The following RBMS1 variants were observed in gnomAD, a reference collection of about 807,000 sequenced individuals.
RBMS1 encodes RNA-binding motif, single-stranded-interacting protein 1.
A neutral mutation model predicts 62.3 loss-of-function variants in RBMS1; 17 were observed. The ratio of observed to expected loss-of-function variants is 0.27; its 90% confidence interval spans 0.19 to 0.41. The LOEUF (loss-of-function observed/expected upper bound fraction) is 0.41. RBMS1 is among the 10% of genes least tolerant of loss of function. The probability of loss-of-function intolerance (pLI) is 1.00; values close to 1 mark genes in which losing one functional copy is unlikely to be tolerated. For missense variants in RBMS1, 334 were observed against 504.5 expected, an observed-to-expected ratio of 0.66 and a Z score of 3.24; for synonymous variants, 172 against 170.0, an observed-to-expected ratio of 1.01 and a Z score of -0.09.
chr2:160,389,296 T>C (rs576561160), intron 1 of RBMS1, among the ~76,000 whole-genome samples: 1 of 152,328 alleles, frequency 6.6e-6, no homozygotes, highest in East Asian at 1.9e-4. Flanking sequence ...CCCTGCAAAA[T>C]ATGCATGAAA....
intron 4 of RBMS1, among the ~76,000 whole-genome samples, chr2:160,310,960 G>A (rs1689820592): frequency 6.6e-6 from 1 of 152,026 alleles, no homozygotes; most frequent in African/African-American, 2.4e-5. Context: ...TTGAGAGGCT[G>A]AGGTGGGCAG....
intron 1 of RBMS1, among the ~76,000 whole-genome samples, chr2:160,397,736 C>T (rs1695223921): frequency 6.6e-6 from 1 of 152,160 alleles, no homozygotes; most frequent in South Asian, 2.1e-4. Flanking sequence ...TAAAAGTTTA[C>T]AAAGACCTCC....
At chr2:160,403,077 A>G (rs746782783) in intron 1 of RBMS1, among the ~76,000 whole-genome samples, 2 of 152,244 alleles carry the variant, frequency 1.3e-5, no homozygotes, top group African/African-American at 2.4e-5. Context: ...TGAGATGCCA[A>G]AACGGTCCCT....
chr2:160,493,551 CTCCTCCTCCTCCTCCTCCTCT>C lies in RBMS1; in HGVS notation c.-209_-189del, dbSNP rs1428067527. Reference sequence around the variant, plus strand: ...CCTCCTCCTCCTCCTCTTCCTCCTCCTCCTCCTCCTCCTCCTCCTCTTCCTCCTCCTCCTCCTCCTCCCAGG... The same window carrying C: ...CCTCCTCCTCCTCCTCTTCCTCCTCCTCCTCCTCCTCCTCCTCCTCCCAGG... On this transcript the variant is annotated 5_prime_UTR_variant, in exon 1 of 14. Coordinates refer to ENST00000348849, the MANE Select transcript of RBMS1 (RefSeq NM_016836.4). The C allele has an allele frequency of 3.7e-5, 23 of 615,932 alleles. No homozygotes were observed. The highest frequency in any genetic ancestry group is 6.0e-5 in the Non-Finnish European group (21 of 350,358). The allele number at this position is 615,932 out of a possible 1,614,324, so 38.2% of individuals were successfully genotyped here.
chr2:160,416,620 T>C (rs1696220664), intron 1 of RBMS1, among the ~76,000 whole-genome samples: 1 of 152,204 alleles, frequency 6.6e-6, no homozygotes, highest in South Asian at 2.1e-4. Flanking sequence ...CGACCTTTTT[T>C]TGAACAGGTA....
At chr2:160,319,108 A>C (rs1690398136) in intron 2 of RBMS1, among the ~76,000 whole-genome samples, 1 of 151,858 alleles carries the variant, frequency 6.6e-6, no homozygotes, top group Non-Finnish European at 1.5e-5. Context: ...CGAACCCCAC[A>C]CTCTCTCCAT....
At chr2:160,349,264 G>A (rs567525494) in intron 2 of RBMS1, among the ~76,000 whole-genome samples, 1 of 152,250 alleles carries the variant, frequency 6.6e-6, no homozygotes, top group African/African-American at 2.4e-5. Context: ...ATTTGCTGAT[G>A]TCACCAATGA....
chr2:160,485,126 T>G (rs1379493541), intron 1 of RBMS1, among the ~76,000 whole-genome samples: 2 of 152,034 alleles, frequency 1.3e-5, no homozygotes, highest in Non-Finnish European at 2.9e-5. Context: ...TTATTTTAAT[T>G]AGGGGGAAAA....
At chr2:160,438,797 G>A (rs1287091998) in intron 1 of RBMS1, among the ~76,000 whole-genome samples, 1 of 152,068 alleles carries the variant, frequency 6.6e-6, no homozygotes, top group African/African-American at 2.4e-5. Flanking sequence ...ACGGGGTGGT[G>A]GCCGGGCAGA....
At chr2:160,424,374 G>C (rs928809307) in intron 1 of RBMS1, among the ~76,000 whole-genome samples, 2 of 150,248 alleles carry the variant, frequency 1.3e-5, no homozygotes, top group African/African-American at 2.5e-5. Context: ...TTGGGGGGGG[G>C]GGGAAACAAA....
rs201492090 is a variant in RBMS1, at chr2:160,324,882, G to GTATATATATATATA, written c.252-6669_252-6656dup. ...CTAAGCGAGATGTGTGTGTGTGTGT[G>GTATATATATATATA]TATATATATATATATATATATATAT... On this transcript the variant is annotated intron_variant, in intron 2 of 13. Transcript: ENST00000348849. 4.2e-3 allele frequency among the ~76,000 whole-genome samples: 423 copies of GTATATATATATATA among 99,980 alleles called. 13 individuals are homozygous for GTATATATATATATA. Among genetic ancestry groups the GTATATATATATATA allele is most frequent in the Middle Eastern group, 0.022 (4 of 184 alleles). The allele number at this position is 99,980 out of a possible 152,430, so 65.6% of individuals were successfully genotyped here. A position where few individuals can be genotyped will look rare whatever the true frequency, so the allele number is the denominator to read the frequency against.
intron 1 of RBMS1, among the ~76,000 whole-genome samples, chr2:160,379,559 AG>A (rs1694172924): frequency 6.6e-6 from 1 of 152,250 alleles, no homozygotes. Context: ...CTTCTGAAGC[AG>A]ATAAATTGAA....
intron 1 of RBMS1, among the ~76,000 whole-genome samples, chr2:160,376,591 T>C (rs960331119): frequency 5.3e-5 from 8 of 152,094 alleles, no homozygotes; most frequent in Non-Finnish European, 1.2e-4. Context: ...AGCTCTTCTA[T>C]TATATATCAG....
At chr2:160,336,529 CAG>C (rs1691580504) in intron 2 of RBMS1, among the ~76,000 whole-genome samples, 1 of 151,996 alleles carries the variant, frequency 6.6e-6, no homozygotes, top group Non-Finnish European at 1.5e-5. Context: ...CCAATAGAAA[CAG>C]AATGCAAATC....
At chr2:160,372,502 A>G (rs1573951668) in intron 1 of RBMS1, among the ~76,000 whole-genome samples, 2 of 152,260 alleles carry the variant, frequency 1.3e-5, no homozygotes, top group African/African-American at 4.8e-5. Context: ...GGGAAACAGT[A>G]TAAGATCAAG....
chr2:160,352,473 G>GT (rs1354081064), intron 2 of RBMS1, among the ~76,000 whole-genome samples: 4 of 152,164 alleles, frequency 2.6e-5, no homozygotes, highest in African/African-American at 9.6e-5. Context: ...TAGCCTTTAA[G>GT]TACAAAAACA....
At chr2:160,337,917 C>A (rs1241738441) in intron 2 of RBMS1, among the ~76,000 whole-genome samples, 1 of 152,168 alleles carries the variant, frequency 6.6e-6, no homozygotes, top group Non-Finnish European at 1.5e-5. Context: ...AGATGGATAT[C>A]AGCTCCATTC....
chr2:160,493,444 C>T lies in RBMS1; in HGVS notation c.-81G>A, dbSNP rs1574129622. On this transcript the variant is annotated 5_prime_UTR_variant, in exon 1 of 14. Transcript: ENST00000348849. ...CTCGGGCTCTCCTGCCTCTCCCTTT[C>T]CGGCGGCGGCGGCAGCGGCGGCGGC... 1.8e-5 allele frequency: 26 copies of T among 1,410,462 alleles called. No homozygotes were observed. The South Asian group carries it at 2.9e-4, about 16-fold the overall frequency. 87.4% of individuals were successfully genotyped at this position (1,410,462 alleles called of 1,614,324 possible).
chr2:160,395,216 T>C (rs979305403), intron 1 of RBMS1, among the ~76,000 whole-genome samples: 8 of 152,234 alleles, frequency 5.3e-5, no homozygotes, highest in Non-Finnish European at 1.0e-4. Flanking sequence ...CGAAGTTTCT[T>C]TGTAAAATGA....
Sources: allele counts gnomAD v4.1 joint callset (sites outside exome capture counted in the v4.1 genomes callset), GRCh38; gene constraint gnomAD v4.1.1; transcripts MANE v1.5; gene names NCBI Gene and HGNC (gene_info 2026-07-23, HGNC 2026-07-21).